The following DAB1 variants were observed in gnomAD, a reference collection of about 807,000 sequenced individuals.
DAB1 encodes DAB adaptor protein 1.
A neutral mutation model predicts 64.6 loss-of-function variants in DAB1; 15 were observed. That is an observed-to-expected ratio of 0.23 (90% CI 0.16 to 0.36). DAB1 has a LOEUF of 0.36. Ranked by LOEUF, DAB1 falls within the 10% of genes least tolerant of loss-of-function variation. DAB1 has a pLI of 1.00. For missense variants in DAB1, 596 were observed against 706.7 expected, an observed-to-expected ratio of 0.84 and a Z score of 1.78; for synonymous variants, 235 against 251.9, an observed-to-expected ratio of 0.93 and a Z score of 0.64.
intron 6 of DAB1, among the ~76,000 whole-genome samples, chr1:57,800,368 G>C (rs1027890786): frequency 1.3e-5 from 2 of 152,202 alleles, no homozygotes; most frequent in Non-Finnish European, 2.9e-5. Flanking sequence ...CAAAGTCTAG[G>C]TGCCTGGGAC....
chr1:58,117,060 G>C (rs1652381742), intron 5 of DAB1, among the ~76,000 whole-genome samples: 1 of 152,172 alleles, frequency 6.6e-6, no homozygotes, highest in Non-Finnish European at 1.5e-5. Context: ...AAAATGCTCT[G>C]TTCATCTATT....
chr1:58,008,726 A>G (rs1557607563), intron 5 of DAB1, among the ~76,000 whole-genome samples: 1 of 152,182 alleles, frequency 6.6e-6, no homozygotes, highest in Non-Finnish European at 1.5e-5. Flanking sequence ...TGAAAGACTT[A>G]GAGAAATGTT....
intron 1 of DAB1, among the ~76,000 whole-genome samples, chr1:57,858,925 T>G (rs998823394): frequency 1.1e-4 from 16 of 152,104 alleles, no homozygotes; most frequent in African/African-American, 3.4e-4. Context: ...GAGCTGCGAT[T>G]CCAAGTATGG....
At chr1:58,159,824 C>T (rs1655425564) in intron 4 of DAB1, among the ~76,000 whole-genome samples, 1 of 152,140 alleles carries the variant, frequency 6.6e-6, no homozygotes, top group South Asian at 2.1e-4. Context: ...GCTGAGGACA[C>T]TAAGATTCAG....
chr1:57,268,054 T>A (rs1002007931), intron 2 of DAB1, among the ~76,000 whole-genome samples: 1 of 152,216 alleles, frequency 6.6e-6, no homozygotes, highest in Non-Finnish European at 1.5e-5. Flanking sequence ...TAGGGATTTC[T>A]CCATGTTCAA....
rs968352002 is a variant in DAB1 at position 57,796,359 on chromosome 1, C to G, written n.551+87640G>C. 2.0e-5 allele frequency among the ~76,000 whole-genome samples: 3 copies of G among 152,024 alleles called. No homozygotes were observed. In the East Asian group the frequency reaches 5.8e-4, roughly 30 times the overall value. On this transcript the variant is annotated intron_variant and non_coding_transcript_variant, in intron 6 of 20. Transcript: ENST00000485760. ...TGGCTAACATGGTGAAACCCCGTCTCTACTAAAAATACAAAAAATTAGCCA... is the reference window on the plus strand; with the variant it reads ...TGGCTAACATGGTGAAACCCCGTCTGTACTAAAAATACAAAAAATTAGCCA...
At chr1:57,814,837 T>C (rs852749) in intron 6 of DAB1, among the ~76,000 whole-genome samples, 47,144 of 151,950 alleles carry the variant, frequency 0.31, 8,655 homozygotes, top group Admixed American at 0.46. Context: ...TGCTACTCAT[T>C]CATTGTATGA....
intron 5 of DAB1, among the ~76,000 whole-genome samples, chr1:58,100,580 C>A (rs1651256591): frequency 6.6e-6 from 1 of 152,122 alleles, no homozygotes; most frequent in Admixed American, 6.5e-5. Context: ...AGTATACACC[C>A]AGAAGTCAAA....
At chr1:57,062,145 G>A (rs1168647358) in intron 9 of DAB1, among the ~76,000 whole-genome samples, 1 of 152,142 alleles carries the variant, frequency 6.6e-6, no homozygotes, top group African/African-American at 2.4e-5. Flanking sequence ...ACACAGCTGG[G>A]AATTTTTGGT....
At chr1:57,937,527 A>G (rs564330118) in intron 5 of DAB1, among the ~76,000 whole-genome samples, 1 of 152,224 alleles carries the variant, frequency 6.6e-6, no homozygotes, top group South Asian at 2.1e-4. Flanking sequence ...TGGGGATACC[A>G]ATAAGAGGCA....
At position 57,273,479 on chromosome 1, in the gene DAB1, C is replaced by T. The variant is rs117628597; in HGVS notation, c.67+17485G>A. Among the ~76,000 whole-genome samples the T allele has an allele frequency of 7.5e-3, 1,144 of 152,024 alleles. 30 individuals are homozygous for T. The East Asian group carries it at 0.079, about 10-fold the overall frequency. ...CTCCAATAAGACCTGGCTGAAGTTG[C>T]CTTAGGACAGCGCCAACATCTAAGA... On this transcript the variant is annotated intron_variant, in intron 2 of 14. Transcript: ENST00000371236.
intron 4 of DAB1, among the ~76,000 whole-genome samples, chr1:58,151,806 A>G (rs575894741): frequency 2.0e-5 from 3 of 152,352 alleles, no homozygotes; most frequent in African/African-American, 7.2e-5. Context: ...AGGAAGAAAG[A>G]CAAGTAAATA....
chr1:57,472,245 A>T (rs1422872935), intron 7 of DAB1, among the ~76,000 whole-genome samples: 1 of 152,216 alleles, frequency 6.6e-6, no homozygotes, highest in East Asian at 1.9e-4. Flanking sequence ...GTCATTATAA[A>T]GTAAAGGGCA....
chr1:58,501,193 T>C (rs952085035), intron 3 of DAB1, among the ~76,000 whole-genome samples: 9 of 152,338 alleles, frequency 5.9e-5, no homozygotes, highest in African/African-American at 2.2e-4. Flanking sequence ...ATCACAAGAT[T>C]ATATTTAGGC....
intron 9 of DAB1, among the ~76,000 whole-genome samples, chr1:57,049,637 A>T (rs1425328796): frequency 2.6e-5 from 4 of 151,244 alleles, no homozygotes; most frequent in African/African-American, 4.9e-5. Flanking sequence ...ATACACTCAA[A>T]CTCATCTCGC....
intron 7 of DAB1, among the ~76,000 whole-genome samples, chr1:57,620,540 G>C (rs747013272): frequency 6.6e-6 from 1 of 152,242 alleles, no homozygotes; most frequent in Non-Finnish European, 1.5e-5. Flanking sequence ...TAAACCCGCA[G>C]ATACAACTAT....
chr1:57,395,441 T>C (rs1415944660), intron 1 of DAB1, among the ~76,000 whole-genome samples: 2 of 152,166 alleles, frequency 1.3e-5, no homozygotes, highest in African/African-American at 4.8e-5. Context: ...CCAAATTGGA[T>C]GTCACATATC....
At chr1:58,452,980 C>T (rs822168) in intron 3 of DAB1, among the ~76,000 whole-genome samples, 16,570 of 152,202 alleles carry the variant, frequency 0.11, 1,313 homozygotes, top group African/African-American at 0.22. Context: ...TATAACTTCT[C>T]TTTTCATAAT....
At chr1:58,477,811 G>C (rs955577371) in intron 3 of DAB1, among the ~76,000 whole-genome samples, 3 of 152,134 alleles carry the variant, frequency 2.0e-5, no homozygotes, top group African/African-American at 7.2e-5. Context: ...TTTTCTGTCA[G>C]TTTGAGGCAA....
Sources: gnomAD v4.1 joint callset for allele counts (sites outside exome capture counted in the v4.1 genomes callset) on GRCh38, gnomAD v4.1.1 for gene constraint, MANE v1.5 for transcripts, NCBI Gene and HGNC (gene_info 2026-07-23, HGNC 2026-07-21) for gene names.